Variants in CNKSR2 observed in about 807,000 individuals in gnomAD.
CNKSR2 encodes the protein CNK homolog protein 2.
A neutral mutation model predicts 84.4 loss-of-function variants in CNKSR2; 14 were observed. The observed-to-expected ratio is 0.17, with a 90% CI of 0.11 to 0.26. The LOEUF is 0.26. Among genes scored for constraint, CNKSR2 ranks in the 10% least tolerant of loss-of-function variants. The pLI is 1.00. For missense variants in CNKSR2, 485 were observed against 771.2 expected, an observed-to-expected ratio of 0.63 and a Z score of 4.40; for synonymous variants, 275 against 277.9, an observed-to-expected ratio of 0.99 and a Z score of 0.10.
At chrX:21,571,758 G>T (rs1246402616) in intron 13 of CNKSR2, among the ~76,000 whole-genome samples, 1 of 112,131 alleles carries the variant, frequency 8.9e-6, no homozygotes, top group African/African-American at 3.2e-5. Flanking sequence ...GAAAAACTGT[G>T]ATATTACTAA....
intron 17 of CNKSR2, 125 bp from the exon 18 acceptor site, chrX:21,601,157 A>G (rs1017401787): frequency 3.6e-5 from 15 of 411,246 alleles, no homozygotes; most frequent in Non-Finnish European, 5.4e-5. Flanking sequence ...AATAGTAGCA[A>G]AGAACACATC....
intron 8 of CNKSR2, among the ~76,000 whole-genome samples, chrX:21,502,388 T>C (rs367768303): frequency 1.8e-5 from 2 of 108,625 alleles, no homozygotes; most frequent in East Asian, 5.9e-4. Flanking sequence ...ATATTTGTTA[T>C]CTTAAAAAGT....
intron 7 of CNKSR2, among the ~76,000 whole-genome samples, chrX:21,500,996 C>G (rs1459720150): frequency 9.0e-6 from 1 of 111,479 alleles, no homozygotes; most frequent in Non-Finnish European, 1.9e-5. Flanking sequence ...ATTTAATTAT[C>G]AAACTTCAAA....
At chrX:21,497,907 A>G (rs977289951) in intron 7 of CNKSR2, 61 bp downstream of exon 7, 3 of 557,093 alleles carry the variant, frequency 5.4e-6, no homozygotes, top group Non-Finnish European at 9.7e-6. Flanking sequence ...CTAACAACTT[A>G]TATATCTCAC....
At chrX:21,524,885 C>G (rs2091819718) in intron 9 of CNKSR2, among the ~76,000 whole-genome samples, 1 of 111,133 alleles carries the variant, frequency 9.0e-6, no homozygotes, top group Non-Finnish European at 1.9e-5. Context: ...ATTTTAAAGT[C>G]AGAAAGCTAT....
intron 1 of CNKSR2, among the ~76,000 whole-genome samples, chrX:21,415,106 G>C (rs944738234): frequency 9.0e-6 from 1 of 111,614 alleles, no homozygotes; most frequent in Non-Finnish European, 1.9e-5. Context: ...TTGGTATTTT[G>C]ATAGGGATTG....
In CNKSR2 at chrX:21,609,271, C is replaced by T. The variant is rs763253926; in HGVS notation, c.2346C>T (p.His782=). The change falls in exon 20 of 22, where the codon CAC becomes CAT. Residue 782 remains histidine (H), a synonymous_variant. Coordinates refer to ENST00000379510, the MANE Select transcript of CNKSR2 (RefSeq NM_014927.5). ...CGCCACTGACAAGTTCAGGCTTACA[C>T]TATCTTCAGACTCTGCCCCTGGAGG... ...IETPLTSSGL[H]YLQTLPLEDS... is the part of the protein sequence containing the mutation. 5.8e-6 allele frequency: 7 copies of T among 1,211,630 alleles called. No homozygotes were observed. In the South Asian group the frequency reaches 1.1e-4, roughly 18 times the overall value.
At chrX:21,556,131 C>T (rs2092137874) in intron 11 of CNKSR2, among the ~76,000 whole-genome samples, 2 of 110,448 alleles carry the variant, frequency 1.8e-5, no homozygotes, top group Admixed American at 1.9e-4. Context: ...AAAGAAACTA[C>T]GAAAATAGAA....
intron 2 of CNKSR2, 95 bp downstream of exon 2, chrX:21,426,755 A>G: frequency 1.0e-6 from 1 of 958,602 alleles, no homozygotes. Context: ...ATCGAAATGC[A>G]AATAGAAGAA....
chrX:21,542,015 T>G (rs1243633148), intron 11 of CNKSR2, among the ~76,000 whole-genome samples: 2 of 112,244 alleles, frequency 1.8e-5, no homozygotes, highest in African/African-American at 6.5e-5. Context: ...TATGTTCTTG[T>G]GTATGTTGTT....
intron 5 of CNKSR2, among the ~76,000 whole-genome samples, chrX:21,477,581 A>G (rs755774699): frequency 7.2e-5 from 8 of 111,516 alleles, no homozygotes; most frequent in African/African-American, 2.6e-4. Context: ...TGAGATTATT[A>G]TGTCTTCTCT....
At chrX:21,617,361 C>T (rs944687663) in intron 20 of CNKSR2, among the ~76,000 whole-genome samples, 3 of 111,517 alleles carry the variant, frequency 2.7e-5, no homozygotes, top group Non-Finnish European at 5.7e-5. Context: ...AATTTACCTC[C>T]TATGGTTGGT....
intron 11 of CNKSR2, among the ~76,000 whole-genome samples, chrX:21,536,833 T>C (rs1333319011): frequency 1.8e-5 from 2 of 108,827 alleles, no homozygotes; most frequent in Non-Finnish European, 3.8e-5. Context: ...CTGTAGGTTT[T>C]TTTTTTTTTT....
chrX:21,395,718 T>C (rs145332615), intron 1 of CNKSR2, among the ~76,000 whole-genome samples: 5 of 111,968 alleles, frequency 4.5e-5, no homozygotes, highest in African/African-American at 1.6e-4. Context: ...TTCATGTTCA[T>C]ACTTGGTTTA....
intron 4 of CNKSR2, among the ~76,000 whole-genome samples, chrX:21,462,737 A>C (rs2091076803): frequency 1.0e-5 from 1 of 99,556 alleles, no homozygotes; most frequent in South Asian, 4.8e-4. Context: ...TTTTTGAGAC[A>C]GACTCTCACT....
At chrX:21,642,376 A>G (rs1029371306) in intron 20 of CNKSR2, 1 of 751,783 alleles carries the variant, frequency 1.3e-6, no homozygotes. Context: ...TCTTTTCTGT[A>G]AAATATTTTG....
intron 1 of CNKSR2, among the ~76,000 whole-genome samples, chrX:21,400,904 G>A (rs913724818): frequency 9.0e-6 from 1 of 111,402 alleles, no homozygotes; most frequent in Admixed American, 9.6e-5. Flanking sequence ...AAGGGCAGAT[G>A]AAAGATCACA....
intron 21 of CNKSR2, among the ~76,000 whole-genome samples, chrX:21,650,877 C>T (rs1321872571): frequency 8.9e-6 from 1 of 111,845 alleles, no homozygotes; most frequent in African/African-American, 3.3e-5. Context: ...TTAGAGAGTG[C>T]TGTTAATAGT....
intron 13 of CNKSR2, among the ~76,000 whole-genome samples, chrX:21,567,653 C>T (rs1280430854): frequency 9.0e-6 from 1 of 111,694 alleles, no homozygotes; most frequent in African/African-American, 3.3e-5. Context: ...ATCAGCCAAG[C>T]ATGTTATGAC....
Sources: allele counts gnomAD v4.1 joint callset (sites outside exome capture counted in the v4.1 genomes callset), GRCh38; gene constraint gnomAD v4.1.1; transcripts MANE v1.5; gene names NCBI Gene and HGNC (gene_info 2026-07-23, HGNC 2026-07-21).